MXI1: variants seen among roughly 807,000 people sequenced by gnomAD.
The protein encoded by MXI1 is MAX interactor 1, dimerization protein, also known as max-interacting protein 1.
In MXI1, 18 loss-of-function variants were observed where a neutral mutation model predicts 36.9. That is an observed-to-expected ratio of 0.49 (90% CI 0.34 to 0.72). The LOEUF is 0.72. Among genes scored for constraint, MXI1 ranks in the 30% least tolerant of loss-of-function variants. The pLI, the probability that MXI1 is intolerant of heterozygous loss-of-function variation, is 0.01. For missense variants in MXI1, 304 were observed against 379.1 expected (o/e 0.80, Z 1.64); for synonymous variants, 160 against 146.7 (o/e 1.09, Z -0.65).
chr10:110,207,952 G>T lies in MXI1; in HGVS notation c.144G>T (p.Arg48Ser). The change falls in exon 1 of 6, where the codon AGG becomes AGT. Residue 48 changes from arginine to serine, a missense_variant. Physicochemically the swap from Arg to Ser is moderately radical, Grantham distance 110 (BLOSUM62 -1). Around this residue, in one of 2 missense-constraint regions of MXI1, gnomAD observed 179 missense variants for 184.8 expected, o/e 0.97. Transcript: ENST00000332674. Reference protein sequence around the residue: ...LPEDPAGAKPRCPFSDIFNTS... With the variant: ...LPEDPAGAKPSCPFSDIFNTS... ...AGGACCCCGCTGGGGCCAAGCCCAG[G>T]TGCCCCTTCTCAGACATTTTCAACA... 6.3e-7 allele frequency: 1 copy of T among 1,593,470 alleles called. No homozygotes were observed. Among genetic ancestry groups the T allele is most frequent in the Non-Finnish European group, 8.5e-7 (1 of 1,170,816 alleles).
intron 2 of MXI1, among the ~76,000 whole-genome samples, chr10:110,239,267 G>T (rs1461480049): frequency 6.6e-6 from 1 of 152,090 alleles, no homozygotes; most frequent in African/African-American, 2.4e-5. Context: ...CAGATGTGTT[G>T]GTGGGCAAAA....
At position 110,287,080 on chromosome 10, in the gene MXI1, CTGTT is replaced by C. The variant is rs1405853300; in HGVS notation, c.*2099_*2102del. Reference sequence around the variant, plus strand: ...GTGAATGAAGCCAGTGACTAAGCTTCTGTTTGTTTTGTTATTCTCATGGCCTTCG... The same window carrying C: ...GTGAATGAAGCCAGTGACTAAGCTTCTGTTTTGTTATTCTCATGGCCTTCG... On this transcript the variant is annotated 3_prime_UTR_variant, in exon 6 of 6. Coordinates refer to ENST00000332674, the MANE Select transcript of MXI1 (RefSeq NM_130439.3). 2.0e-5 allele frequency: 3 copies of C among 152,174 alleles called. No individual in the cohort carries two copies. The highest frequency in any genetic ancestry group is 6.5e-5 in the Admixed American group (1 of 15,278). 9.4% of individuals were successfully genotyped at this position (152,174 alleles called of 1,614,324 possible). A position where few individuals can be genotyped will look rare whatever the true frequency, so the allele number is the denominator to read the frequency against.
chr10:110,273,801 G>T (rs781511656), intron 3 of MXI1, among the ~76,000 whole-genome samples: 17 of 152,160 alleles, frequency 1.1e-4, no homozygotes, highest in South Asian at 1.0e-3. Context: ...TCCTATAGTG[G>T]AAGAATGAAA....
intron 3 of MXI1, among the ~76,000 whole-genome samples, chr10:110,265,167 C>T (rs531410988): frequency 5.9e-5 from 9 of 152,216 alleles, no homozygotes; most frequent in Non-Finnish European, 1.2e-4. Context: ...AGTACAGGCC[C>T]AACATTGGTT....
At chr10:110,268,081 G>A (rs1419290030) in intron 3 of MXI1, among the ~76,000 whole-genome samples, 4 of 152,188 alleles carry the variant, frequency 2.6e-5, no homozygotes, top group Admixed American at 2.0e-4. Context: ...TGTTCTTGCT[G>A]TTGGAATATA....
At chr10:110,229,917 G>T (rs11812839) in intron 2 of MXI1, among the ~76,000 whole-genome samples, 1 of 151,756 alleles carries the variant, frequency 6.6e-6, no homozygotes, top group Non-Finnish European at 1.5e-5. Context: ...GGGTTCTGTC[G>T]TGCTGCAAGT....
chr10:110,230,547 A>G (rs1250822671), intron 2 of MXI1, among the ~76,000 whole-genome samples: 6 of 152,216 alleles, frequency 3.9e-5, no homozygotes, highest in Admixed American at 3.9e-4. Flanking sequence ...AAGATCCACC[A>G]ATGTGTGGGT....
At chr10:110,209,130 T>A (rs1367953195) in intron 1 of MXI1, among the ~76,000 whole-genome samples, 1 of 152,090 alleles carries the variant, frequency 6.6e-6, no homozygotes, top group Admixed American at 6.5e-5. Flanking sequence ...CACCCAGCTT[T>A]CCCCAGGCAG....
At chr10:110,247,215 C>T (rs7073003) in intron 3 of MXI1, among the ~76,000 whole-genome samples, 1 of 151,930 alleles carries the variant, frequency 6.6e-6, no homozygotes, top group Non-Finnish European at 1.5e-5. Context: ...TATCCTTTGC[C>T]CACTTTTTGA....
chr10:110,259,148 G>A (rs1448854517), intron 3 of MXI1, among the ~76,000 whole-genome samples: 5 of 152,064 alleles, frequency 3.3e-5, no homozygotes, highest in Admixed American at 1.3e-4. Context: ...CGAAGTTGTG[G>A]TAGCTTTTTA....
chr10:110,250,771 G>A (rs1856049411), intron 3 of MXI1, among the ~76,000 whole-genome samples: 1 of 148,936 alleles, frequency 6.7e-6, no homozygotes, highest in Admixed American at 6.8e-5. Context: ...GGTAGAGGTT[G>A]CAATGAGCCA....
chr10:110,233,511 T>C (rs1855346349), intron 2 of MXI1, among the ~76,000 whole-genome samples: 1 of 152,108 alleles, frequency 6.6e-6, no homozygotes, highest in Non-Finnish European at 1.5e-5. Context: ...AATTTTTTTC[T>C]ACTATTCTGT....
chr10:110,221,154 G>T (rs1230254552), intron 1 of MXI1, among the ~76,000 whole-genome samples: 2 of 152,200 alleles, frequency 1.3e-5, no homozygotes, highest in Admixed American at 1.3e-4. Context: ...GAAAAAAACA[G>T]CATTTGGATC....
intron 2 of MXI1, among the ~76,000 whole-genome samples, chr10:110,234,565 T>C (rs1855390027): frequency 6.6e-6 from 1 of 152,192 alleles, no homozygotes; most frequent in Admixed American, 6.5e-5. Context: ...TATACATCTA[T>C]GGTACCACTC....
At chr10:110,249,076 C>G (rs1022323905) in intron 3 of MXI1, among the ~76,000 whole-genome samples, 11 of 152,108 alleles carry the variant, frequency 7.2e-5, no homozygotes, top group Admixed American at 2.0e-4. Flanking sequence ...TTTACCAAGG[C>G]ATCATTTTTA....
chr10:110,260,350 G>C (rs1856464523), intron 3 of MXI1, among the ~76,000 whole-genome samples: 1 of 151,618 alleles, frequency 6.6e-6, no homozygotes, highest in Non-Finnish European at 1.5e-5. Flanking sequence ...TTTGAGTTAA[G>C]TAATTATTGG....
chr10:110,212,791 A>G (rs1023118171), intron 1 of MXI1, among the ~76,000 whole-genome samples: 10 of 152,212 alleles, frequency 6.6e-5, no homozygotes, highest in Non-Finnish European at 1.2e-4. Context: ...CTGAGATATA[A>G]TAGGTGCTCA....
At chr10:110,227,147 G>T in intron 1 of MXI1, among the ~76,000 whole-genome samples, 1 of 108,112 alleles carries the variant, frequency 9.2e-6, no homozygotes, top group African/African-American at 3.7e-5. Flanking sequence ...GGGCGTGTGA[G>T]GAGAGGGGCA....
At chr10:110,272,006 C>T (rs1856869656) in intron 3 of MXI1, among the ~76,000 whole-genome samples, 1 of 152,120 alleles carries the variant, frequency 6.6e-6, no homozygotes, top group African/African-American at 2.4e-5. Flanking sequence ...CTCTCCAAAC[C>T]TTTGAGAGAC....
Sources: allele counts gnomAD v4.1 joint callset (sites outside exome capture counted in the v4.1 genomes callset), GRCh38; gene constraint gnomAD v4.1.1; regional missense constraint gnomAD v4.1.1; transcripts MANE v1.5; gene names NCBI Gene and HGNC (gene_info 2026-07-23, HGNC 2026-07-21).